Variants in SGCD observed in about 807,000 individuals in gnomAD.
The protein encoded by SGCD is sarcoglycan delta.
Under a neutral mutation model 36.6 loss-of-function variants are expected in SGCD, and 18 were observed. The ratio of observed to expected loss-of-function variants is 0.49; its 90% CI spans 0.34 to 0.73. The LOEUF (loss-of-function observed/expected upper bound fraction) is 0.73, where lower values mean the gene tolerates loss of function less well. Among genes scored for constraint, SGCD ranks in the 30% least tolerant of loss-of-function variants. The probability of loss-of-function intolerance (pLI) is 0.01; values close to 1 mark genes in which losing one functional copy is unlikely to be tolerated. For missense variants in SGCD, 387 were observed against 346.7 expected, an observed-to-expected ratio of 1.12 and a Z score of -0.92; for synonymous variants, 133 against 130.6, an observed-to-expected ratio of 1.02 and a Z score of -0.12.
intron 1 of SGCD, among the ~76,000 whole-genome samples, chr5:156,058,356 C>T (rs917753730): frequency 1.4e-5 from 2 of 146,264 alleles, no homozygotes; most frequent in Admixed American, 6.8e-5. Context: ...GAGTGGGATA[C>T]CTCACATTAA....
chr5:155,844,322 A>T, the SGCD span, among the ~76,000 whole-genome samples: 4 of 152,070 alleles, frequency 2.6e-5, no homozygotes, highest in East Asian at 3.9e-4. Context: ...TTCATTGTAA[A>T]TTTTCCATTT....
At chr5:155,916,907 AGCCATTT>A (rs1286976105) in intron 1 of SGCD, among the ~76,000 whole-genome samples, 1 of 152,146 alleles carries the variant, frequency 6.6e-6, no homozygotes, top group Non-Finnish European at 1.5e-5. Context: ...CCTGAGATGA[AGCCATTT>A]GCCTAAGATT....
chr5:156,327,993 C>A (rs1246120021), intron 1 of SGCD, among the ~76,000 whole-genome samples: 2 of 152,150 alleles, frequency 1.3e-5, no homozygotes, highest in East Asian at 1.9e-4. Context: ...ACTCAAAATT[C>A]TTCTTAAAGG....
chr5:156,265,949 G>A (rs1162668424), intron 3 of SGCD, among the ~76,000 whole-genome samples: 1 of 152,120 alleles, frequency 6.6e-6, no homozygotes, highest in African/African-American at 2.4e-5. Flanking sequence ...ATTACTGACA[G>A]ACATAGTTAA....
intron 4 of SGCD, among the ~76,000 whole-genome samples, chr5:156,514,589 G>A (rs1757079689): frequency 6.6e-6 from 1 of 152,134 alleles, no homozygotes; most frequent in Non-Finnish European, 1.5e-5. Context: ...AAAAAATCTT[G>A]GCTCTGCCTA....
chr5:155,858,223 C>T, the SGCD span, among the ~76,000 whole-genome samples: 1 of 152,180 alleles, frequency 6.6e-6, no homozygotes, highest in Admixed American at 6.5e-5. Context: ...AACATTTAAT[C>T]TTACATTAAT....
intron 3 of SGCD, among the ~76,000 whole-genome samples, chr5:156,363,061 G>T: frequency 6.6e-6 from 1 of 151,390 alleles, no homozygotes; most frequent in African/African-American, 2.4e-5. Context: ...GGGTGAGTAG[G>T]GTTTTCTGAT....
intron 1 of SGCD, among the ~76,000 whole-genome samples, chr5:155,976,567 TCTCA>T (rs1467036127): frequency 6.6e-6 from 1 of 152,172 alleles, no homozygotes; most frequent in Non-Finnish European, 1.5e-5. Context: ...TTTCAAATAA[TCTCA>T]CTAAGTAAGT....
At chr5:156,671,123 CTTTT>C (rs34876954) in intron 7 of SGCD, among the ~76,000 whole-genome samples, 1 of 148,842 alleles carries the variant, frequency 6.7e-6, no homozygotes. Context: ...CTTCTTTTTT[CTTTT>C]TGAGTCTATT....
chr5:155,993,160 C>T (rs1379398395), intron 1 of SGCD, among the ~76,000 whole-genome samples: 1 of 152,088 alleles, frequency 6.6e-6, no homozygotes. Flanking sequence ...CCCATTTTCC[C>T]TTCAGTCCTT....
intron 7 of SGCD, among the ~76,000 whole-genome samples, chr5:156,686,539 T>C (rs78163252): frequency 0.017 from 2,664 of 152,266 alleles, 33 homozygotes; most frequent in Non-Finnish European, 0.029. Flanking sequence ...TTGCACACCA[T>C]GGGTCCCAGC....
the SGCD span, among the ~76,000 whole-genome samples, chr5:155,807,901 A>C: frequency 6.6e-6 from 1 of 152,226 alleles, no homozygotes; most frequent in Admixed American, 6.5e-5. Context: ...AGGATGATAC[A>C]CTACAAAGAT....
the SGCD span, among the ~76,000 whole-genome samples, chr5:155,815,675 G>C: frequency 6.6e-6 from 1 of 152,122 alleles, no homozygotes; most frequent in Non-Finnish European, 1.5e-5. Flanking sequence ...TTAGGAGGAA[G>C]AGAGAGCAGG....
chr5:156,455,974 G>T (rs1405765523), intron 3 of SGCD, among the ~76,000 whole-genome samples: 2 of 152,168 alleles, frequency 1.3e-5, no homozygotes, highest in African/African-American at 2.4e-5. Flanking sequence ...AGAAGCGAGG[G>T]AGAAGTCTCA....
intron 6 of SGCD, among the ~76,000 whole-genome samples, chr5:156,636,923 C>A (rs1050362597): frequency 6.6e-6 from 1 of 152,108 alleles, no homozygotes; most frequent in Non-Finnish European, 1.5e-5. Flanking sequence ...CAACAAAATT[C>A]TCTTAAGGGG....
At chr5:155,994,500 C>T (rs563954244) in intron 1 of SGCD, among the ~76,000 whole-genome samples, 3 of 152,210 alleles carry the variant, frequency 2.0e-5, no homozygotes, top group East Asian at 1.9e-4. Context: ...TATTTGGTAA[C>T]GATGTGATGT....
chr5:156,559,034 T>C (rs1214763373), intron 4 of SGCD, among the ~76,000 whole-genome samples: 1 of 151,916 alleles, frequency 6.6e-6, no homozygotes, highest in Non-Finnish European at 1.5e-5. Flanking sequence ...CTGTTCAGCA[T>C]CTGAGAGATG....
At chr5:156,244,622 G>A (rs942675179) in intron 3 of SGCD, among the ~76,000 whole-genome samples, 2 of 152,096 alleles carry the variant, frequency 1.3e-5, no homozygotes, top group African/African-American at 4.8e-5. Flanking sequence ...TTTCTGTTAA[G>A]TTTGAGATTG....
intron 1 of SGCD, among the ~76,000 whole-genome samples, chr5:155,976,678 G>A (rs1287868242): frequency 6.6e-6 from 1 of 152,134 alleles, no homozygotes; most frequent in Non-Finnish European, 1.5e-5. Context: ...AGTTCCGTTT[G>A]TTCCTCCTCC....
Sources: allele counts gnomAD v4.1 joint callset (sites outside exome capture counted in the v4.1 genomes callset), GRCh38; gene constraint gnomAD v4.1.1; transcripts MANE v1.5; gene names NCBI Gene and HGNC (gene_info 2026-07-23, HGNC 2026-07-21).